HMCN2: variants seen among roughly 807,000 people sequenced by gnomAD.
HMCN2 encodes hemicentin-2.
In HMCN2, 325 loss-of-function variants were observed where a neutral mutation model predicts 377.5. That is an observed-to-expected ratio of 0.86 (90% CI 0.79 to 0.94). The LOEUF is 0.94. Among genes scored for constraint, HMCN2 ranks in the 40% least tolerant of loss-of-function variants. The probability of loss-of-function intolerance (pLI) is 0.00; values close to 1 mark genes in which losing one functional copy is unlikely to be tolerated. For missense variants in HMCN2, 4,543 were observed against 4,725.3 expected, an observed-to-expected ratio of 0.96 and a Z score of 1.13; for synonymous variants, 2,007 against 2,046.8, an observed-to-expected ratio of 0.98 and a Z score of 0.53.
Position 130,394,335 on chromosome 9 carries a change from G to T in HMCN2, c.10502-50G>T. On this transcript the variant is annotated intron_variant, in intron 68 of 97. Transcript: ENST00000683500. The surrounding 1 kb of genome is among the most constrained non-coding windows in gnomAD (Gnocchi z 5.1). ...GCACAGTGTTTTCAAGTGCGGTGCTGTCCCGGAAATGTGTGTCAATTGTGT... is the reference window on the plus strand; with the variant it reads ...GCACAGTGTTTTCAAGTGCGGTGCTTTCCCGGAAATGTGTGTCAATTGTGT... The T allele has an allele frequency of 8.4e-7, 1 of 1,187,890 alleles. No individual in the cohort carries two copies. Among genetic ancestry groups the T allele is most frequent in the Admixed American group, 2.4e-5 (1 of 42,280 alleles). The allele number at this position is 1,187,890 out of a possible 1,614,324, so 73.6% of individuals were successfully genotyped here. A position where few individuals can be genotyped will look rare whatever the true frequency, so the allele number is the denominator to read the frequency against.
Position 130,306,454 on chromosome 9 carries a change from G to A in HMCN2, c.1958+184G>A, listed in dbSNP as rs782715508. ...GAAACATAAGAATGCCACAGTGTGG[G>A]CTCAGCGCTCAGGAGCTCAGGCTGT... On this transcript the variant is annotated intron_variant, in intron 12 of 97. Transcript: ENST00000683500. Among the ~76,000 whole-genome samples the A allele has an allele frequency of 8.9e-4, 136 of 152,260 alleles. No homozygotes were observed. The Middle Eastern group carries it at 0.01, about 11-fold the overall frequency.
intron 4 of HMCN2, among the ~76,000 whole-genome samples, chr9:130,288,018 T>C (rs1471784519): frequency 6.6e-6 from 1 of 152,226 alleles, no homozygotes; most frequent in African/African-American, 2.4e-5. Flanking sequence ...TTTTTTGGCA[T>C]GTCAGCCTAC....
In HMCN2 at chr9:130,356,253, G is replaced by A; in HGVS notation, c.5421G>A (p.Val1807=). 2 of 1,295,790 alleles carry A rather than the reference G, an allele frequency of 1.5e-6. No individual in the cohort carries two copies. The allele number at this position is 1,295,790 out of a possible 1,614,324, so 80.3% of individuals were successfully genotyped here. ...GTAGAEVEVS[V]HEFPSVSIIG... ...CCGGGGCCGAGGTGGAGGTGTCTGT[G>A]CATGGTGAGTGGGCGCCTGGGGTTC... The change falls in exon 34 of 98, where the codon GTG becomes GTA. Residue 1807 remains valine (V), a synonymous_variant. Transcript: ENST00000683500.
Position 130,405,183 on chromosome 9 carries a change from C to T in HMCN2, c.12339+124C>T, listed in dbSNP as rs1843033600. The stretch of plus-strand genomic sequence containing the variant: ...CCTGGGGAAATCAGTGTCACCATCC[C>T]GGGTACAGACAGCCAGAACTGAGGC... On this transcript the variant is annotated intron_variant, in intron 81 of 97. Coordinates refer to ENST00000683500, the MANE Select transcript of HMCN2 (RefSeq NM_001291815.2). The T allele has an allele frequency of 3.1e-5, 20 of 641,822 alleles. No homozygotes were observed. The South Asian group carries it at 4.2e-4, about 13-fold the overall frequency. 39.8% of individuals were successfully genotyped at this position (641,822 alleles called of 1,614,324 possible). A position where few individuals can be genotyped will look rare whatever the true frequency, so the allele number is the denominator to read the frequency against.
chr9:130,432,699 C>T (rs910213141), intron 97 of HMCN2, 144 bp downstream of exon 97: 3 of 859,566 alleles, frequency 3.5e-6, no homozygotes, highest in African/African-American at 3.4e-5. Context: ...CAGGGAGAGG[C>T]CAGAGTGGGA....
chr9:130,386,811 A>G (rs1352199796), intron 61 of HMCN2, among the ~76,000 whole-genome samples: 3 of 152,196 alleles, frequency 2.0e-5, no homozygotes. Context: ...CACCCAGCTA[A>G]TTTCTAGAAT....
chr9:130,336,070 C>T (rs1029552250), intron 22 of HMCN2, among the ~76,000 whole-genome samples: 2,695 of 151,930 alleles, frequency 0.018, 76 homozygotes, highest in African/African-American at 0.055. Flanking sequence ...AGACCTGCTC[C>T]GGTGCATGTG....
At chr9:130,297,213 G>C (rs533425988) in intron 7 of HMCN2, among the ~76,000 whole-genome samples, 1 of 152,322 alleles carries the variant, frequency 6.6e-6, no homozygotes, top group South Asian at 2.1e-4. Context: ...TGAGTTGATG[G>C]CTTACCAAAA....
chr9:130,378,643 A>G (rs985403952), intron 53 of HMCN2, among the ~76,000 whole-genome samples: 3 of 151,962 alleles, frequency 2.0e-5, no homozygotes, highest in East Asian at 3.9e-4. Flanking sequence ...TGGGCGATGG[A>G]TAAGTGTTCA....
intron 95 of HMCN2, 84 bp downstream of exon 95, chr9:130,430,688 C>G (rs570231396): frequency 7.5e-7 from 1 of 1,327,882 alleles, no homozygotes; most frequent in Non-Finnish European, 1.0e-6. Context: ...TGTCACCCAC[C>G]GAGTTCAGAA....
rs1219526289 is a variant in HMCN2 at position 130,368,395 on chromosome 9, G to A, written c.6745G>A (p.Val2249Met). Residue 2249 changes from valine (V) to methionine (M), a missense_variant, in exon 44 of 98, where the codon GTG becomes ATG. Val to Met is a conservative substitution (Grantham distance 21). Around this residue, in one of 5 missense-constraint regions of HMCN2, gnomAD observed 1,032 missense variants for 1,285.1 expected, o/e 0.80. Coordinates refer to ENST00000683500, the MANE Select transcript of HMCN2 (RefSeq NM_001291815.2). ...EGTYTCECSN[V>M]VGNSSQDLQL... is the part of the protein sequence containing the mutation. ...AACATACACCTGTGAATGCAGCAAC[G>A]TGGTGGGGAACAGCAGCCAGGACCT... The A allele has an allele frequency of 3.0e-6, 3 of 986,044 alleles. No homozygotes were observed. The highest frequency in any genetic ancestry group is 3.6e-6 in the Non-Finnish European group (3 of 830,222). The allele number at this position is 986,044 out of a possible 1,614,324, so 61.1% of individuals were successfully genotyped here. A position where few individuals can be genotyped will look rare whatever the true frequency, so the allele number is the denominator to read the frequency against.
In HMCN2 at chr9:130,390,906, C is replaced by T. The variant is rs551631283; in HGVS notation, c.9524-71C>T. 1.0e-5 allele frequency: 10 copies of T among 966,868 alleles called. No individual in the cohort carries two copies. In the East Asian group the frequency reaches 1.0e-3, roughly 100 times the overall value. 59.9% of individuals were successfully genotyped at this position (966,868 alleles called of 1,614,324 possible). A position where few individuals can be genotyped will look rare whatever the true frequency, so the allele number is the denominator to read the frequency against. ...GGGACATATAAGAAGGCGCCTCTGC[C>T]TCTGTGGGGCTCAGTTTCCTATGAG... is the stretch of plus-strand genomic sequence containing the variant. On this transcript the variant is annotated intron_variant, in intron 62 of 97. Coordinates refer to ENST00000683500, the MANE Select transcript of HMCN2 (RefSeq NM_001291815.2).
At chr9:130,398,178 A>AAAAG (rs1842701343) in intron 74 of HMCN2, among the ~76,000 whole-genome samples, 4 of 148,370 alleles carry the variant, frequency 2.7e-5, no homozygotes, top group African/African-American at 1.0e-4. Flanking sequence ...AAAAAAAAAA[A>AAAAG]GTAAAACATG....
intron 84 of HMCN2, among the ~76,000 whole-genome samples, chr9:130,409,935 G>T (rs4740390): frequency 6.6e-6 from 1 of 152,080 alleles, no homozygotes; most frequent in Non-Finnish European, 1.5e-5. Flanking sequence ...TGATGGTGGC[G>T]CTGCCACTCA....
Position 130,395,494 on chromosome 9 carries a change from C to G in HMCN2, c.10911+147C>G, listed in dbSNP as rs7869534. On this transcript the variant is annotated intron_variant, in intron 71 of 97. Transcript: ENST00000683500. ...CCTGTTCCCCGGGTGTCATACCCCC[C>G]GCCATTGTCATTGTCACTCCCATTT... is the stretch of plus-strand genomic sequence containing the variant. 55 of 659,456 alleles carry G rather than the reference C, an allele frequency of 8.3e-5. No homozygotes were observed. The East Asian group carries it at 1.4e-3, about 17-fold the overall frequency. The allele number at this position is 659,456 out of a possible 1,614,324, so 40.9% of individuals were successfully genotyped here.
In HMCN2 at chr9:130,384,353, C is replaced by G; in HGVS notation, c.8831-20C>G. ...GTGTGATTCTCATGCCTTTCTCTAC[C>G]GTGGTGGCTGTGGGGATAGTCCCGC... On this transcript the variant is annotated intron_variant, in intron 57 of 97. Transcript: ENST00000683500. 7.8e-7 allele frequency: 1 copy of G among 1,283,370 alleles called. No individual in the cohort carries two copies. The highest frequency in any genetic ancestry group is 1.0e-6 in the Non-Finnish European group (1 of 976,208). The allele number at this position is 1,283,370 out of a possible 1,614,324, so 79.5% of individuals were successfully genotyped here.
In HMCN2 at chr9:130,410,643, G is replaced by A. The variant is rs545650254; in HGVS notation, c.12952G>A (p.Val4318Ile). The change falls in exon 85 of 98, where the codon GTC becomes ATC. Residue 4318 changes from valine (V) to isoleucine (I), a missense_variant. Coordinates refer to ENST00000683500, the MANE Select transcript of HMCN2 (RefSeq NM_001291815.2). ...MGVAKKVVIL[V>I]LQSAPVFQVE... is the part of the protein sequence containing the mutation. ...CGTGGCGAAGAAAGTGGTGATCCTC[G>A]TCCTGCAGAGTGAGTCTCGGCCTCA... 38 of 1,550,572 alleles carry A rather than the reference G, an allele frequency of 2.5e-5. No homozygotes were observed. The Middle Eastern group carries it at 6.7e-4, about 27-fold the overall frequency.
rs1173917409 is a variant in HMCN2 at position 130,406,157 on chromosome 9, G to A, written c.12542G>A (p.Arg4181Gln). 25 of 1,289,712 alleles carry A rather than the reference G, an allele frequency of 1.9e-5. No homozygotes were observed. Among genetic ancestry groups the A allele is most frequent in the Non-Finnish European group, 2.4e-5 (24 of 988,868 alleles). 79.9% of individuals were successfully genotyped at this position (1,289,712 alleles called of 1,614,324 possible). A position where few individuals can be genotyped will look rare whatever the true frequency, so the allele number is the denominator to read the frequency against. The change falls in exon 82 of 98, where the codon CGG becomes CAG. Residue 4181 changes from arginine to glutamine, a missense_variant. By Grantham distance (43) the Arg-to-Gln change is conservative. This residue lies in a region of HMCN2 where 1,073 missense variants were observed against 1,319.5 expected (regional missense o/e 0.81). Transcript: ENST00000683500. The stretch of plus-strand genomic sequence containing the variant: ...CGCATTGGCTGGACTGTCAACGACC[G>A]GCCAGTCACAGGTCTGGGTCTGCTG... The part of the protein sequence containing the change: ...TPRIGWTVND[R>Q]PVTEGVSEQD...
At chr9:130,287,884 G>T (rs1425315501) in intron 4 of HMCN2, among the ~76,000 whole-genome samples, 1 of 152,232 alleles carries the variant, frequency 6.6e-6, no homozygotes, top group Non-Finnish European at 1.5e-5. Context: ...CTCTGGGAGA[G>T]GGTTTTGTGT....
Sources: gnomAD v4.1 joint callset for allele counts (sites outside exome capture counted in the v4.1 genomes callset) on GRCh38, gnomAD v4.1.1 for gene constraint, gnomAD v4.1.1 regional missense constraint, Gnocchi (gnomAD v3.1) non-coding constraint, MANE v1.5 for transcripts, NCBI Gene and HGNC (gene_info 2026-07-23, HGNC 2026-07-21) for gene names.